The following ROBO2 variants were observed in gnomAD, a reference collection of about 807,000 sequenced individuals.
ROBO2 encodes roundabout homolog 2.
In ROBO2, 53 loss-of-function variants were observed where a neutral mutation model predicts 160.8. The observed-to-expected ratio is 0.33, with a 90% CI of 0.26 to 0.41. ROBO2 has a LOEUF of 0.41. Among genes scored for constraint, ROBO2 ranks in the 10% least tolerant of loss-of-function variants. The probability of loss-of-function intolerance (pLI) is 1.00; values close to 1 mark genes in which losing one functional copy is unlikely to be tolerated. For missense variants in ROBO2, 1,577 were observed against 1,722.4 expected, an observed-to-expected ratio of 0.92 and a Z score of 1.49; for synonymous variants, 664 against 611.7, an observed-to-expected ratio of 1.09 and a Z score of -1.26.
At position 77,536,311 on chromosome 3, in the gene ROBO2, G is replaced by A. The variant is rs554735107; in HGVS notation, c.935-10027G>A. ...ATACTGCCTTTGTTTTCCCCTCTGG[G>A]AGGAGCACTCTCCCACCCTTCCTTC... On this transcript the variant is annotated intron_variant, in intron 6 of 25. Transcript: ENST00000461745. 3.3e-5 allele frequency among the ~76,000 whole-genome samples: 5 copies of A among 152,184 alleles called. No individual in the cohort carries two copies. In the South Asian group the frequency reaches 1.0e-3, roughly 32 times the overall value.
intron 2 of ROBO2, among the ~76,000 whole-genome samples, chr3:77,148,424 T>A (rs2150502035): frequency 6.6e-6 from 1 of 152,334 alleles, no homozygotes; most frequent in East Asian, 1.9e-4. Flanking sequence ...GCATGAAACT[T>A]TTTTTCTTTC....
intron 2 of ROBO2, among the ~76,000 whole-genome samples, chr3:76,803,251 A>G (rs758464973): frequency 3.3e-5 from 5 of 152,134 alleles, no homozygotes; most frequent in Non-Finnish European, 5.9e-5. Context: ...GGTTTAATTT[A>G]ATGAACTTGA....
intron 2 of ROBO2, among the ~76,000 whole-genome samples, chr3:77,424,654 CT>C (rs560723175): frequency 6.6e-6 from 1 of 151,846 alleles, no homozygotes; most frequent in African/African-American, 2.4e-5. Flanking sequence ...AGGTTCTTTT[CT>C]TTTTTTTGTT....
intron 2 of ROBO2, among the ~76,000 whole-genome samples, chr3:76,425,487 AGTGTGT>A (rs10530471): frequency 0.01 from 1,489 of 146,548 alleles, 15 homozygotes; most frequent in South Asian, 0.021. Flanking sequence ...TGATGCAGCA[AGTGTGT>A]GTGTGTGTGT....
At chr3:77,258,530 C>G (rs1048828097) in intron 2 of ROBO2, among the ~76,000 whole-genome samples, 3 of 149,704 alleles carry the variant, frequency 2.0e-5, no homozygotes, top group Admixed American at 6.7e-5. Context: ...GGCTGAGGAA[C>G]AAGAATCGTT....
intron 4 of ROBO2, among the ~76,000 whole-genome samples, chr3:77,483,367 GA>G (rs150860738): frequency 6.0e-5 from 9 of 149,752 alleles, no homozygotes; most frequent in South Asian, 2.1e-4. Context: ...GAACATAAAA[GA>G]AAAAAAAACA....
At chr3:76,836,650 A>G (rs1231143500) in intron 2 of ROBO2, among the ~76,000 whole-genome samples, 1 of 151,688 alleles carries the variant, frequency 6.6e-6, no homozygotes, top group Non-Finnish European at 1.5e-5. Flanking sequence ...ATTTTTTAGA[A>G]GTATCTTATT....
chr3:77,473,617 C>T (rs2083625912), intron 2 of ROBO2, among the ~76,000 whole-genome samples: 1 of 151,822 alleles, frequency 6.6e-6, no homozygotes, highest in African/African-American at 2.4e-5. Flanking sequence ...CTGCGCCAGG[C>T]TAATTTTTTT....
rs77937969 is a variant in ROBO2 at position 75,946,101 on chromosome 3, G to A, written c.109+8499G>A. ...CCTTCTACCAGGAAAAAAATTGATC[G>A]TATGCTGCTTTACTTTAATGCTTTG... On this transcript the variant is annotated intron_variant, in intron 2 of 26. Coordinates refer to the ROBO2 transcript ENST00000487694. Among the ~76,000 whole-genome samples, 16 of 151,252 alleles carry A rather than the reference G, an allele frequency of 1.1e-4. 1 individual carries two copies. The South Asian group carries it at 1.7e-3, about 16-fold the overall frequency.
At chr3:76,752,461 A>G (rs1011533233) in intron 2 of ROBO2, among the ~76,000 whole-genome samples, 1 of 151,682 alleles carries the variant, frequency 6.6e-6, no homozygotes, top group Non-Finnish European at 1.5e-5. Flanking sequence ...AAAAAAAATG[A>G]TGGCACATCC....
intron 2 of ROBO2, among the ~76,000 whole-genome samples, chr3:76,707,084 G>A (rs1369748941): frequency 6.6e-6 from 1 of 151,872 alleles, no homozygotes; most frequent in Non-Finnish European, 1.5e-5. Context: ...TGTATATATA[G>A]TGTATGTGTA....
chr3:77,366,325 T>C (rs542331789), intron 2 of ROBO2, among the ~76,000 whole-genome samples: 69 of 151,902 alleles, frequency 4.5e-4, no homozygotes, highest in Non-Finnish European at 8.8e-4. Context: ...TATTAGGAGG[T>C]GGGACTTTCG....
intron 2 of ROBO2, among the ~76,000 whole-genome samples, chr3:77,288,008 A>C (rs1318703338): frequency 6.6e-6 from 1 of 152,176 alleles, no homozygotes; most frequent in East Asian, 1.9e-4. Flanking sequence ...TTAAAAGTAG[A>C]TATTTCAGTG....
Position 77,588,951 on chromosome 3 carries a change from G to T in ROBO2, c.2683+18G>T. 21 of 1,612,206 alleles carry T rather than the reference G, an allele frequency of 1.3e-5. No individual in the cohort carries two copies. Among genetic ancestry groups the T allele is most frequent in the Non-Finnish European group, 1.8e-5 (21 of 1,178,486 alleles). On this transcript the variant is annotated intron_variant, in intron 17 of 25. Transcript: ENST00000461745. ...TTATGCTGGTAAGTGACTATTTCCAGCTAAGAAAATCTCTTGTCTGTAGGA... is the reference window on the plus strand; with the variant it reads ...TTATGCTGGTAAGTGACTATTTCCATCTAAGAAAATCTCTTGTCTGTAGGA...
intron 2 of ROBO2, among the ~76,000 whole-genome samples, chr3:76,005,513 A>G (rs758409413): frequency 5.9e-5 from 9 of 152,220 alleles, no homozygotes; most frequent in Middle Eastern, 3.2e-3. Flanking sequence ...TATAAAATGA[A>G]TGTGCCAATA....
chr3:77,076,096 A>G (rs2067974182), intron 1 of ROBO2, among the ~76,000 whole-genome samples: 1 of 152,266 alleles, frequency 6.6e-6, no homozygotes, highest in East Asian at 1.9e-4. Context: ...CACAAAGGAG[A>G]TATTAATAGT....
intron 2 of ROBO2, among the ~76,000 whole-genome samples, chr3:77,421,585 T>A (rs1030837971): frequency 1.1e-4 from 16 of 152,152 alleles, no homozygotes; most frequent in Admixed American, 7.9e-4. Flanking sequence ...GAAAATTCTT[T>A]ATGGGTGCAC....
chr3:76,717,233 C>T (rs1332221024), intron 2 of ROBO2, among the ~76,000 whole-genome samples: 1 of 151,750 alleles, frequency 6.6e-6, no homozygotes, highest in East Asian at 1.9e-4. Flanking sequence ...GTGGCTCACG[C>T]CTGTAATCCC....
chr3:76,449,340 A>G (rs917310116), intron 2 of ROBO2, among the ~76,000 whole-genome samples: 1 of 152,140 alleles, frequency 6.6e-6, no homozygotes, highest in South Asian at 2.1e-4. Flanking sequence ...AGACCATTTT[A>G]CATACTCCAC....
Sources: gnomAD v4.1 joint callset for allele counts (sites outside exome capture counted in the v4.1 genomes callset) on GRCh38, gnomAD v4.1.1 for gene constraint, MANE v1.5 for transcripts, NCBI Gene and HGNC (gene_info 2026-07-23, HGNC 2026-07-21) for gene names.